Variants in DDX43 observed in about 807,000 individuals in gnomAD.
DDX43 encodes the protein DEAD-box helicase 43.
A neutral mutation model predicts 84.9 loss-of-function variants in DDX43; 50 were observed. The ratio of observed to expected loss-of-function variants is 0.59; its 90% CI spans 0.47 to 0.75. The LOEUF (loss-of-function observed/expected upper bound fraction) is 0.75. DDX43 is among the 30% of genes least tolerant of loss of function. The pLI is 0.00. For missense variants in DDX43, 689 were observed against 798.6 expected (o/e 0.86, Z 1.65); for synonymous variants, 291 against 266.3 (o/e 1.09, Z -0.90).
At chr6:73,400,386 A>G in intron 3 of DDX43, 23 bp downstream of exon 3, 3 of 1,581,682 alleles carry the variant, frequency 1.9e-6, no homozygotes, top group Non-Finnish European at 2.6e-6. Flanking sequence ...CTCCCACTGA[A>G]CCCCTTTAAA....
Position 73,416,092 on chromosome 6 carries a change from C to A in DDX43, c.1834-21C>A, listed in dbSNP as rs780287044. On this transcript the variant is annotated intron_variant, in intron 15 of 16. Transcript: ENST00000370336. ...AGAAAAGAACTCAGAATCCTAATAACAACACGTTGAATAATTTCAGAGTAT... is the reference window on the plus strand; with the variant it reads ...AGAAAAGAACTCAGAATCCTAATAAAAACACGTTGAATAATTTCAGAGTAT... 2.4e-6 allele frequency: 3 copies of A among 1,253,314 alleles called. No homozygotes were observed. The Admixed American group carries it at 5.2e-5, about 22-fold the overall frequency. 77.6% of individuals were successfully genotyped at this position (1,253,314 alleles called of 1,614,324 possible). A position where few individuals can be genotyped will look rare whatever the true frequency, so the allele number is the denominator to read the frequency against.
intron 14 of DDX43, among the ~76,000 whole-genome samples, chr6:73,415,190 C>T (rs530532102): frequency 9.2e-5 from 14 of 152,020 alleles, no homozygotes; most frequent in Non-Finnish European, 1.9e-4. Context: ...CCCAGCTACT[C>T]GGGAGGCTGA....
At chr6:73,406,580 G>A in intron 7 of DDX43, 98 bp downstream of exon 7, 1 of 717,548 alleles carries the variant, frequency 1.4e-6, no homozygotes, top group South Asian at 1.8e-5. Context: ...TTGATCCAAA[G>A]GTAATGCCTA....
chr6:73,395,143 G>C lies in DDX43; in HGVS notation c.238G>C (p.Gly80Arg). The C allele has an allele frequency of 6.2e-7, 1 of 1,612,752 alleles. No homozygotes were observed. Among genetic ancestry groups the C allele is most frequent in the Admixed American group, 1.7e-5 (1 of 59,660 alleles). ...LCFALKSHFVGAVIGRGGSKI... is the reference protein window; with the variant it reads ...LCFALKSHFVRAVIGRGGSKI... ...TTTTGCTTTGAAGAGCCACTTTGTT[G>C]GCGCGGTAATCGGTGAGAATGGGAG... The change falls in exon 1 of 17, where the codon GGC becomes CGC. Residue 80 changes from glycine (G) to arginine (R), a missense_variant. By Grantham distance (125) the Gly-to-Arg change is moderately radical. This residue lies in a region of DDX43 where 137 missense variants were observed against 105.9 expected (regional missense o/e 1.29). Coordinates refer to ENST00000370336, the MANE Select transcript of DDX43 (RefSeq NM_018665.3).
intron 6 of DDX43, 32 bp from the exon 7 acceptor site, chr6:73,406,331 CT>C (rs1769683188): frequency 4.0e-6 from 6 of 1,508,370 alleles, no homozygotes; most frequent in Non-Finnish European, 4.6e-6. Context: ...AAAAGATGTA[CT>C]TTTTGTGTTA....
chr6:73,405,728 C>T lies in DDX43; in HGVS notation c.700C>T (p.Arg234Ter), dbSNP rs199611536. The T allele has an allele frequency of 6.9e-5, 112 of 1,613,824 alleles. No homozygotes were observed. Among genetic ancestry groups the T allele is most frequent in the Non-Finnish European group, 7.7e-5 (91 of 1,179,920 alleles). The change falls in exon 6 of 17, where the codon CGA (arginine) becomes TGA (stop). Residue 234 changes from arginine to a stop codon, truncating the protein, a stop_gained. Coordinates refer to ENST00000370336, the MANE Select transcript of DDX43 (RefSeq NM_018665.3). LOFTEE classifies it high-confidence loss of function. ...GGATGACTTGAAGGATGGGGAGAAA[C>T]GACCTATCCCCAATCCTACCTGCAC... ...TWDDLKDGEK[R>*]PIPNPTCTFD...
At chr6:73,404,218 G>A (rs985223420) in intron 4 of DDX43, among the ~76,000 whole-genome samples, 1 of 152,102 alleles carries the variant, frequency 6.6e-6, no homozygotes, top group Middle Eastern at 3.4e-3. Context: ...CTTGAGTAGC[G>A]GGGATTACAG....
chr6:73,405,605 A>G (rs1442228416), intron 5 of DDX43, 74 bp from the exon 6 acceptor site: 4 of 1,460,712 alleles, frequency 2.7e-6, no homozygotes, highest in Non-Finnish European at 3.8e-6. Context: ...AGATAAGACC[A>G]GCACTGATTT....
At chr6:73,398,191 CAAGAAGCCACCTG>C (rs1769508409) in intron 2 of DDX43, among the ~76,000 whole-genome samples, 1 of 152,128 alleles carries the variant, frequency 6.6e-6, no homozygotes, top group Non-Finnish European at 1.5e-5. Context: ...TCCTTATTCT[CAAGAAGCCACCTG>C]AATTTTAAGC....
intron 14 of DDX43, 37 bp downstream of exon 14, chr6:73,414,723 T>C (rs761671858): frequency 6.4e-6 from 10 of 1,573,446 alleles, no homozygotes; most frequent in East Asian, 4.6e-5. Flanking sequence ...AGGCCAATTC[T>C]AGATTCTCCT....
chr6:73,405,351 T>C (rs537515109), intron 5 of DDX43, among the ~76,000 whole-genome samples: 1 of 152,198 alleles, frequency 6.6e-6, no homozygotes, highest in East Asian at 1.9e-4. Flanking sequence ...TAATGAAATA[T>C]GTGTGGAACA....
At position 73,400,293 on chromosome 6, in the gene DDX43, G is replaced by A. The variant is rs140241372; in HGVS notation, c.366G>A (p.Thr122=). ...VKIFGSKAMQ[T]KAKAVIDNFV... ...TTTTTGGCAGCAAGGCAATGCAAAC[G>A]AAAGCAAAAGCAGTGATAGACAATT... is the stretch of plus-strand genomic sequence containing the variant. The change falls in exon 3 of 17, where the codon ACG becomes ACA. Residue 122 remains threonine, a synonymous_variant. Coordinates refer to ENST00000370336, the MANE Select transcript of DDX43 (RefSeq NM_018665.3). 2.2e-5 allele frequency: 35 copies of A among 1,610,184 alleles called. No homozygotes were observed. Among genetic ancestry groups the A allele is most frequent in the Middle Eastern group, 1.7e-4 (1 of 5,982 alleles).
At chr6:73,403,288 G>A in intron 4 of DDX43, among the ~76,000 whole-genome samples, 1 of 152,086 alleles carries the variant, frequency 6.6e-6, no homozygotes, top group Non-Finnish European at 1.5e-5. Flanking sequence ...TGGGCAATAT[G>A]GTGAAACCCC....
At chr6:73,401,508 AAAAC>A (rs1427093252) in intron 3 of DDX43, among the ~76,000 whole-genome samples, 2 of 152,202 alleles carry the variant, frequency 1.3e-5, no homozygotes, top group Non-Finnish European at 2.9e-5. Flanking sequence ...TGTTTATTAA[AAAAC>A]AAAATAGAGG....
At chr6:73,400,163 A>T in intron 2 of DDX43, 71 bp from the exon 3 acceptor site, 1 of 1,347,680 alleles carries the variant, frequency 7.4e-7, no homozygotes, top group Non-Finnish European at 1.0e-6. Flanking sequence ...GGAAGGGGTT[A>T]GGGGCTTAGG....
rs969850391 is a variant in DDX43, at chr6:73,414,012, A to G, written c.1539A>G (p.Ser513=). Reference sequence around the variant, plus strand: ...GTGACCTAATACTTGGAAATATATCAGTAGAGTCTCTGCATGGAGATAGAG... The same window carrying G: ...GTGACCTAATACTTGGAAATATATCGGTAGAGTCTCTGCATGGAGATAGAG... ...LSSDLILGNI[S]VESLHGDREQ... Residue 513 remains serine (S), a synonymous_variant, in exon 13 of 17, where the codon TCA becomes TCG. Coordinates refer to ENST00000370336, the MANE Select transcript of DDX43 (RefSeq NM_018665.3). The G allele has an allele frequency of 2.5e-6, 4 of 1,612,436 alleles. No homozygotes were observed. Among genetic ancestry groups the G allele is most frequent in the Non-Finnish European group, 3.4e-6 (4 of 1,178,636 alleles).
intron 5 of DDX43, 97 bp downstream of exon 5, chr6:73,404,868 G>A (rs723402): frequency 0.019 from 18,038 of 927,864 alleles, 1,535 homozygotes; most frequent in Admixed American, 0.19. Context: ...TGAAGGCTAC[G>A]CCTTCAATAT....
chr6:73,401,695 G>C (rs1168624377), intron 3 of DDX43, among the ~76,000 whole-genome samples, 164 bp from the exon 4 acceptor site: 1 of 151,892 alleles, frequency 6.6e-6, no homozygotes, highest in African/African-American at 2.4e-5. Context: ...CCAGCTGCTG[G>C]GGAGGCTGAG....
Position 73,408,033 on chromosome 6 carries a change from G to T in DDX43, c.1111G>T (p.Ala371Ser). 1 of 1,612,684 alleles carries T rather than the reference G, an allele frequency of 6.2e-7. No individual in the cohort carries two copies. The highest frequency in any genetic ancestry group is 8.5e-7 in the Non-Finnish European group (1 of 1,179,450). The part of the protein sequence containing the change: ...ELKKGVDIII[A>S]TPGRLNDLQM... ...TAAAAAAGGTGTAGATATCATAATT[G>T]CAACTCCCGGAAGATTGAATGATCT... The change falls in exon 9 of 17, where the codon GCA becomes TCA. Residue 371 changes from alanine to serine, a missense_variant. Around this residue, in one of 2 missense-constraint regions of DDX43, gnomAD observed 552 missense variants for 692.7 expected, o/e 0.80. Transcript: ENST00000370336.
Sources: allele counts gnomAD v4.1 joint callset (sites outside exome capture counted in the v4.1 genomes callset), GRCh38; gene constraint gnomAD v4.1.1; regional missense constraint gnomAD v4.1.1; transcripts MANE v1.5; gene names NCBI Gene and HGNC (gene_info 2026-07-23, HGNC 2026-07-21).